GATD1: variants seen among roughly 807,000 people sequenced by gnomAD.
The protein encoded by GATD1 is glutamine amidotransferase-like class 1 domain-containing protein 1.
A neutral mutation model predicts 25.9 loss-of-function variants in GATD1; 23 were observed. The ratio of observed to expected loss-of-function variants is 0.89; its 90% CI spans 0.64 to 1.26. The LOEUF is 1.26. GATD1 is among the 50% of genes most tolerant of loss of function. The pLI is 0.00. For synonymous variants in GATD1, 177 were observed against 134.6 expected (o/e 1.31, Z -2.18); for missense variants, 347 against 312.5 (o/e 1.11, Z -0.83).
At chr11:774,818 G>A (rs1400467231) in intron 2 of GATD1, among the ~76,000 whole-genome samples, 1 of 151,748 alleles carries the variant, frequency 6.6e-6, no homozygotes, top group East Asian at 1.9e-4. Flanking sequence ...CAACAAGAGC[G>A]AAACTCCATC....
chr11:772,454 C>T lies in GATD1; in HGVS notation c.423G>A (p.Trp141Ter). ...LCCATNEDRS[W>*]VFDSYSLTGP... is the part of the protein sequence containing the mutation. The stretch of plus-strand genomic sequence containing the variant: ...CTGTCAGGCTGTAGCTGTCGAACAC[C>T]CAGGATCTGTCCTCGTTGGTGGCAC... The change falls in exon 5 of 8, where the codon TGG becomes TGA. Residue 141 changes from tryptophan to a stop codon, truncating the protein, a stop_gained. Coordinates refer to ENST00000319863, the MANE Select transcript of GATD1 (RefSeq NM_182612.4). LOFTEE classifies it high-confidence loss of function. The T allele has an allele frequency of 6.2e-7, 1 of 1,613,450 alleles. No homozygotes were observed. Among genetic ancestry groups the T allele is most frequent in the Non-Finnish European group, 8.5e-7 (1 of 1,179,988 alleles).
rs1286628559 is a variant in GATD1, at chr11:775,069, AG to A, written c.137del (p.Pro46LeufsTer11). 6.2e-7 allele frequency: 1 copy of A among 1,602,100 alleles called. No individual in the cohort carries two copies. Among genetic ancestry groups the A allele is most frequent in the South Asian group, 1.1e-5 (1 of 88,426 alleles). ...GGGAAGGAGAGGCTGGACTTACCCC[AG>A]GGGTGGCCACCTGCAGGTTGAAGGC... Reference protein sequence around the residue: ...STAFNLQVATPGGKAMEFVDV... With the variant: ...STAFNLQVATXGGKAMEFVDV... On this transcript the variant is annotated frameshift_variant, in exon 2 of 8. Transcript: ENST00000319863. LOFTEE classifies it high-confidence loss of function.
Position 767,882 on chromosome 11 carries a change from GCT to G in GATD1, c.*3013_*3014del, listed in dbSNP as rs1481037019. On this transcript the variant is annotated 3_prime_UTR_variant, in exon 8 of 8. Transcript: ENST00000319863. Reference sequence around the variant, plus strand: ...TTTTTTTTTTTTGAGATGGAGTCTTGCTCTGTCACCCAGACTAGAGTGCAGTG... The same window carrying G: ...TTTTTTTTTTTTGAGATGGAGTCTTGCTGTCACCCAGACTAGAGTGCAGTG... 1 of 145,516 alleles carries G rather than the reference GCT, an allele frequency of 6.9e-6. No individual in the cohort carries two copies. Among genetic ancestry groups the G allele is most frequent in the Admixed American group, 7.0e-5 (1 of 14,378 alleles). The allele number at this position is 145,516 out of a possible 1,614,324, so 9.0% of individuals were successfully genotyped here. A position where few individuals can be genotyped will look rare whatever the true frequency, so the allele number is the denominator to read the frequency against.
Position 767,586 on chromosome 11 carries a change from T to G in GATD1, c.*3311A>C. The G allele has an allele frequency of 7.1e-7, 1 of 1,403,688 alleles. No individual in the cohort carries two copies. The highest frequency in any genetic ancestry group is 9.2e-7 in the Non-Finnish European group (1 of 1,083,282). The allele number at this position is 1,403,688 out of a possible 1,614,324, so 87.0% of individuals were successfully genotyped here. A position where few individuals can be genotyped will look rare whatever the true frequency, so the allele number is the denominator to read the frequency against. ...GATCTGGCTGACCAGAGGGGCTCAATGAGGCTCACTGGCTCTTCATGCACC... is the reference window on the plus strand; with the variant it reads ...GATCTGGCTGACCAGAGGGGCTCAAGGAGGCTCACTGGCTCTTCATGCACC... On this transcript the variant is annotated 3_prime_UTR_variant, in exon 8 of 8. Transcript: ENST00000319863.
At position 767,692 on chromosome 11, in the gene GATD1, T is replaced by A. The variant is rs1383797826; in HGVS notation, c.*3205A>T. 1 of 1,085,396 alleles carries A rather than the reference T, an allele frequency of 9.2e-7. No individual in the cohort carries two copies. Among genetic ancestry groups the A allele is most frequent in the African/African-American group, 1.6e-5 (1 of 61,848 alleles). 67.2% of individuals were successfully genotyped at this position (1,085,396 alleles called of 1,614,324 possible). A position where few individuals can be genotyped will look rare whatever the true frequency, so the allele number is the denominator to read the frequency against. The stretch of plus-strand genomic sequence containing the variant: ...AAGGGGATGGTATTAGGTGGGGCAT[T>A]TGGGAGGTCATCCGGTCACAGGGCA... On this transcript the variant is annotated 3_prime_UTR_variant, in exon 8 of 8. Transcript: ENST00000319863.
chr11:771,255 A>C, intron 6 of GATD1, 78 bp downstream of exon 6: 1 of 1,560,806 alleles, frequency 6.4e-7, no homozygotes, highest in East Asian at 2.4e-5. Context: ...AGGGCCCAGG[A>C]GGCTTCTCCC....
intron 1 of GATD1, 47 bp from the exon 2 acceptor site, chr11:775,189 C>A: frequency 1.3e-6 from 2 of 1,521,344 alleles, no homozygotes; most frequent in South Asian, 2.4e-5. Flanking sequence ...CTAGCGTGCC[C>A]CGCCTCAGGG....
At position 770,097 on chromosome 11, in the gene GATD1, C is replaced by T. The variant is rs1863301005; in HGVS notation, c.*800G>A. ...CCTAAGCCTCTCCTGGACGCCCTAA[C>T]CTGGGGCCAGGGGGCAGCCCGCTGG... On this transcript the variant is annotated 3_prime_UTR_variant, in exon 8 of 8. Coordinates refer to ENST00000319863, the MANE Select transcript of GATD1 (RefSeq NM_182612.4). 2 of 1,215,952 alleles carry T rather than the reference C, an allele frequency of 1.6e-6. No homozygotes were observed. Among genetic ancestry groups the T allele is most frequent in the South Asian group, 4.0e-5 (1 of 24,708 alleles). The allele number at this position is 1,215,952 out of a possible 1,614,324, so 75.3% of individuals were successfully genotyped here.
At chr11:775,270 C>T (rs928718377) in intron 1 of GATD1, 128 bp from the exon 2 acceptor site, 5 of 706,052 alleles carry the variant, frequency 7.1e-6, no homozygotes, top group Non-Finnish European at 1.2e-5. Flanking sequence ...TCCCCTACAC[C>T]CAAGAACGAC....
At chr11:776,441 C>A (rs1454840970) in intron 1 of GATD1, among the ~76,000 whole-genome samples, 1 of 152,108 alleles carries the variant, frequency 6.6e-6, no homozygotes, top group Non-Finnish European at 1.5e-5. Flanking sequence ...TAAGACCCCA[C>A]GTCCTCAACA....
At chr11:771,643 T>A (rs547490378) in intron 5 of GATD1, among the ~76,000 whole-genome samples, 1 of 152,234 alleles carries the variant, frequency 6.6e-6, no homozygotes, top group South Asian at 2.1e-4. Flanking sequence ...ACACGGCCAC[T>A]ACAGGAGGAC....
At position 775,122 on chromosome 11, in the gene GATD1, G is replaced by C. The variant is rs1379998317; in HGVS notation, c.85C>G (p.Leu29Val). Residue 29 changes from leucine to valine, a missense_variant, in exon 2 of 8, where the codon CTC becomes GTC. Leu to Val is a conservative substitution (Grantham distance 32, BLOSUM62 1). Coordinates refer to ENST00000319863, the MANE Select transcript of GATD1 (RefSeq NM_182612.4). ...GTGCTGGCCATCGTGAAACAGTGGA[G>C]GAAGGACTGGGCCGACACACCTGCA... ...AAEGVSAQSF[L>V]HCFTMASTAF... 2 of 1,604,604 alleles carry C rather than the reference G, an allele frequency of 1.2e-6. No homozygotes were observed. The highest frequency in any genetic ancestry group is 2.2e-5 in the East Asian group (1 of 44,548).
rs199513426 is a variant in GATD1, at chr11:772,466, C to T, written c.411G>A (p.Glu137=). ...GVAALCCATN[E]DRSWVFDSYS... The stretch of plus-strand genomic sequence containing the variant: ...AGCTGTCGAACACCCAGGATCTGTC[C>T]TCGTTGGTGGCACAGCACAGGGCGG... The change falls in exon 5 of 8, where the codon GAG becomes GAA. Residue 137 remains glutamate (E), a synonymous_variant. Coordinates refer to ENST00000319863, the MANE Select transcript of GATD1 (RefSeq NM_182612.4). The T allele has an allele frequency of 1.2e-6, 2 of 1,613,344 alleles. No homozygotes were observed. The highest frequency in any genetic ancestry group is 1.7e-6 in the Non-Finnish European group (2 of 1,179,984).
At position 767,228 on chromosome 11, in the gene GATD1, T is replaced by A. The variant is rs928973189; in HGVS notation, c.*3669A>T. The A allele has an allele frequency of 1.3e-6, 2 of 1,534,596 alleles. No individual in the cohort carries two copies. Among genetic ancestry groups the A allele is most frequent in the African/African-American group, 2.7e-5 (2 of 73,026 alleles). On this transcript the variant is annotated 3_prime_UTR_variant, in exon 8 of 8. Coordinates refer to ENST00000319863, the MANE Select transcript of GATD1 (RefSeq NM_182612.4). ...TGCGAACACCAGGACACCATTTGCATGCTGCTGCATGGTTTTATTCCTCAT... is the reference window on the plus strand; with the variant it reads ...TGCGAACACCAGGACACCATTTGCAAGCTGCTGCATGGTTTTATTCCTCAT...
chr11:774,052 C>T lies in GATD1; in HGVS notation c.203G>A (p.Arg68His), dbSNP rs558966438. The change falls in exon 3 of 8, where the codon CGC (arginine) becomes CAC (histidine). Residue 68 changes from arginine to histidine, a missense_variant. Physicochemically the swap from Arg to His is conservative, Grantham distance 29. Transcript: ENST00000319863. The part of the protein sequence containing the change: ...ESNARWVQDF[R>H]LKAYASPAKL... ...GGCGGGGCTGGCGTAAGCCTTGAGG[C>T]GGAAGTCTTGCACCCAGCGTGCATT... 33 of 1,613,678 alleles carry T rather than the reference C, an allele frequency of 2.0e-5. No homozygotes were observed. Among genetic ancestry groups the T allele is most frequent in the African/African-American group, 1.2e-4 (9 of 75,066 alleles).
At chr11:777,151 C>G (rs984846188) in intron 1 of GATD1, 72 of 287,692 alleles carry the variant, frequency 2.5e-4, no homozygotes, top group Admixed American at 6.3e-4. Flanking sequence ...CGGGATCCAT[C>G]ACGACCCCCC....
At position 770,612 on chromosome 11, in the gene GATD1, T is replaced by C. The variant is rs1863342031; in HGVS notation, c.*285A>G. On this transcript the variant is annotated 3_prime_UTR_variant, in exon 8 of 8. Coordinates refer to ENST00000319863, the MANE Select transcript of GATD1 (RefSeq NM_182612.4). Reference sequence around the variant, plus strand: ...CCTCCCTAGAAAACCCAGCCTGGAATTCCCGAGGACCACCTAGCAGCTAGC... The same window carrying C: ...CCTCCCTAGAAAACCCAGCCTGGAACTCCCGAGGACCACCTAGCAGCTAGC... The C allele has an allele frequency of 1.4e-6, 2 of 1,409,724 alleles. No homozygotes were observed. Among genetic ancestry groups the C allele is most frequent in the Admixed American group, 2.9e-5 (1 of 34,460 alleles). 87.3% of individuals were successfully genotyped at this position (1,409,724 alleles called of 1,614,324 possible). A position where few individuals can be genotyped will look rare whatever the true frequency, so the allele number is the denominator to read the frequency against.
In GATD1 at chr11:769,342, G is replaced by C; in HGVS notation, c.*1555C>G. 1 of 975,032 alleles carries C rather than the reference G, an allele frequency of 1.0e-6. No homozygotes were observed. Among genetic ancestry groups the C allele is most frequent in the Non-Finnish European group, 1.2e-6 (1 of 820,610 alleles). 60.4% of individuals were successfully genotyped at this position (975,032 alleles called of 1,614,324 possible). ...TTATTTTATTATTTTTTATTTTTGA[G>C]ACGGAGTTTCACTCATTGCCCAGGT... is the stretch of plus-strand genomic sequence containing the variant. On this transcript the variant is annotated 3_prime_UTR_variant, in exon 8 of 8. Transcript: ENST00000319863.
At position 772,507 on chromosome 11, in the gene GATD1, C is replaced by T. The variant is rs113696678; in HGVS notation, c.370G>A (p.Val124Ile). The T allele has an allele frequency of 7.6e-4, 1,221 of 1,611,580 alleles. 11 individuals are homozygous for T. In the African/African-American group the frequency reaches 0.015, roughly 19 times the overall value. The change falls in exon 5 of 8, where the codon GTC (valine) becomes ATC (isoleucine). Residue 124 changes from valine to isoleucine, a missense_variant. By Grantham distance (29) the Val-to-Ile change is conservative. Coordinates refer to ENST00000319863, the MANE Select transcript of GATD1 (RefSeq NM_182612.4). ...FHSESKPICAVGHGVAALCCA... is the reference protein window; with the variant it reads ...FHSESKPICAIGHGVAALCCA... ...CACAGGGCGGCGACACCGTGGCCGA[C>T]GGCGCAGATGGGTTCTGAAAGCCGT...
Sources: gnomAD v4.1 joint callset for allele counts (sites outside exome capture counted in the v4.1 genomes callset) on GRCh38, gnomAD v4.1.1 for gene constraint, MANE v1.5 for transcripts, NCBI Gene and HGNC (gene_info 2026-07-23, HGNC 2026-07-21) for gene names.